Variants in NCAPD3 observed in about 807,000 individuals in gnomAD.
NCAPD3 encodes condensin-2 complex subunit D3.
NCAPD3 carries 105 observed loss-of-function variants against 182.9 expected under a neutral mutation model. The ratio of observed to expected loss-of-function variants is 0.57; its 90% CI spans 0.49 to 0.68. The LOEUF is 0.68. Among genes scored for constraint, NCAPD3 ranks in the 30% least tolerant of loss-of-function variants. The probability of loss-of-function intolerance (pLI) is 0.00; values close to 1 mark genes in which losing one functional copy is unlikely to be tolerated. For synonymous variants in NCAPD3, 815 were observed against 679.9 expected, an observed-to-expected ratio of 1.20 and a Z score of -3.09; for missense variants, 1,944 against 1,837.0, an observed-to-expected ratio of 1.06 and a Z score of -1.07.
intron 31 of NCAPD3, among the ~76,000 whole-genome samples, chr11:134,157,716 C>T (rs969880963): frequency 6.6e-6 from 1 of 152,226 alleles, no homozygotes; most frequent in Non-Finnish European, 1.5e-5. Context: ...GAATGCCTCA[C>T]TGCTATGGGT....
At position 134,204,867 on chromosome 11, in the gene NCAPD3, C is replaced by T; in HGVS notation, c.1089+32G>A. On this transcript the variant is annotated intron_variant, in intron 9 of 34. Coordinates refer to ENST00000534548, the MANE Select transcript of NCAPD3 (RefSeq NM_015261.3). The surrounding 1 kb of genome is among the most constrained non-coding windows in gnomAD (Gnocchi z 4.3). ...TTTATCTTCACACACGATATACTTC[C>T]ATGTTATTAATATTACTAAGGCAAA... is the stretch of plus-strand genomic sequence containing the variant. The T allele has an allele frequency of 6.5e-7, 1 of 1,535,720 alleles. No homozygotes were observed. Among genetic ancestry groups the T allele is most frequent in the South Asian group, 1.1e-5 (1 of 89,046 alleles).
intron 13 of NCAPD3, 115 bp from the exon 14 acceptor site, chr11:134,194,853 T>C: frequency 1.7e-6 from 1 of 604,886 alleles, no homozygotes; most frequent in Admixed American, 3.1e-5. Context: ...TTAGCTTGTT[T>C]TAAATCCTAA....
chr11:134,214,659 G>A (rs962330631), intron 3 of NCAPD3, among the ~76,000 whole-genome samples: 2 of 152,184 alleles, frequency 1.3e-5, no homozygotes, highest in South Asian at 2.1e-4. Context: ...AATAAATCTC[G>A]ATCTAGATTG....
intron 19 of NCAPD3, among the ~76,000 whole-genome samples, chr11:134,182,715 C>T (rs945810302): frequency 6.6e-6 from 1 of 152,304 alleles, no homozygotes; most frequent in Admixed American, 6.5e-5. Context: ...AAACAGATAA[C>T]AAAAATGCCC....
intron 8 of NCAPD3, among the ~76,000 whole-genome samples, chr11:134,205,565 C>T (rs1265789616): frequency 6.6e-6 from 1 of 151,932 alleles, no homozygotes; most frequent in African/African-American, 2.4e-5. Flanking sequence ...TTAGTAGAGA[C>T]AGGGTTTCAC....
chr11:134,208,831 C>A, intron 7 of NCAPD3, 33 bp downstream of exon 7: 1 of 1,493,986 alleles, frequency 6.7e-7, no homozygotes. Flanking sequence ...TTCGATTCAA[C>A]TAGTAACCAA....
At chr11:134,225,056 C>T (rs969814452), upstream of NCAPD3, 6 of 1,484,526 alleles carry the variant, frequency 4.0e-6, no homozygotes, top group African/African-American at 2.8e-5. Context: ...CCTTCTTTAC[C>T]TAGGGCAGCC....
At chr11:134,193,606 A>G (rs1468023217) in intron 15 of NCAPD3, among the ~76,000 whole-genome samples, 1 of 152,232 alleles carries the variant, frequency 6.6e-6, no homozygotes, top group Non-Finnish European at 1.5e-5. Context: ...TACAAAAATT[A>G]GCCAGGCATG....
Position 134,151,703 on chromosome 11 carries a change from G to A in NCAPD3, c.*1241C>T, listed in dbSNP as rs778013720. 5 of 152,190 alleles carry A rather than the reference G, an allele frequency of 3.3e-5. No homozygotes were observed. The highest frequency in any genetic ancestry group is 9.7e-5 in the African/African-American group (4 of 41,442). 9.4% of individuals were successfully genotyped at this position (152,190 alleles called of 1,614,324 possible). On this transcript the variant is annotated 3_prime_UTR_variant, in exon 35 of 35. Coordinates refer to ENST00000534548, the MANE Select transcript of NCAPD3 (RefSeq NM_015261.3). ...TGCTACAGACTTGTACTAACACACC[G>A]TAATTTGGCATTTGTTTAACCTCAT... is the stretch of plus-strand genomic sequence containing the variant.
rs777617520 is a variant in NCAPD3 at position 134,168,146 on chromosome 11, T to C, written c.3423A>G (p.Leu1141=). 2 of 1,613,896 alleles carry C rather than the reference T, an allele frequency of 1.2e-6. No individual in the cohort carries two copies. The highest frequency in any genetic ancestry group is 4.5e-5 in the East Asian group (2 of 44,886). The part of the protein sequence containing the change: ...ILPLDLDASE[L]LSDTFEVLSS... ...TGAGGACCTCAAACGTGTCTGAGAG[T>C]AACTCACTGGCGTCCAGGTCCAGGG... is the stretch of plus-strand genomic sequence containing the variant. Residue 1141 remains leucine (L), a synonymous_variant, in exon 27 of 35, where the codon TTA becomes TTG. Coordinates refer to ENST00000534548, the MANE Select transcript of NCAPD3 (RefSeq NM_015261.3).
chr11:134,156,752 C>A (rs1460571301), intron 32 of NCAPD3: 3 of 315,904 alleles, frequency 9.5e-6, no homozygotes, highest in Admixed American at 1.0e-4. Flanking sequence ...CCCAACCTAC[C>A]TGTGCCTCAA....
chr11:134,191,905 G>A (rs1203027581), intron 16 of NCAPD3, among the ~76,000 whole-genome samples: 1 of 152,254 alleles, frequency 6.6e-6, no homozygotes. Context: ...ATGCTGAACA[G>A]ACTGTATGCT....
chr11:134,161,944 G>A (rs1376670273), intron 27 of NCAPD3, 53 bp from the exon 28 acceptor site: 1 of 802,536 alleles, frequency 1.2e-6, no homozygotes, highest in Non-Finnish European at 1.9e-6. Context: ...TGAAAGACAG[G>A]CCTCTCCTTG....
At chr11:134,167,761 A>G (rs1454116349) in intron 27 of NCAPD3, among the ~76,000 whole-genome samples, 2 of 125,520 alleles carry the variant, frequency 1.6e-5, no homozygotes, top group African/African-American at 6.4e-5. Flanking sequence ...AGAGCAGCAC[A>G]CTCACTTGTG....
Position 134,152,744 on chromosome 11 carries a change from T to G in NCAPD3, c.*200A>C. The stretch of plus-strand genomic sequence containing the variant: ...TAAGAAAATCTAAATCTGGCACATC[T>G]CTATTATTTGACAGTGTTTAACCAA... On this transcript the variant is annotated 3_prime_UTR_variant, in exon 35 of 35. Coordinates refer to ENST00000534548, the MANE Select transcript of NCAPD3 (RefSeq NM_015261.3). 1 of 471,884 alleles carries G rather than the reference T, an allele frequency of 2.1e-6. No homozygotes were observed. The highest frequency in any genetic ancestry group is 5.4e-4 in the Middle Eastern group (1 of 1,868). 29.2% of individuals were successfully genotyped at this position (471,884 alleles called of 1,614,324 possible).
At chr11:134,192,952 G>A (rs771318048) in intron 15 of NCAPD3, 43 bp from the exon 16 acceptor site, 1 of 1,116,128 alleles carries the variant, frequency 9.0e-7, no homozygotes, top group Non-Finnish European at 1.4e-6. Context: ...CTAAATACAA[G>A]TCAGGGAAGT....
intron 24 of NCAPD3, among the ~76,000 whole-genome samples, chr11:134,174,115 C>A (rs12796673): frequency 0.03 from 4,555 of 152,142 alleles, 98 homozygotes; most frequent in Non-Finnish European, 0.047. Context: ...GTATTGCCTG[C>A]TGTGGTGACT....
At chr11:134,157,341 G>A (rs781693592) in intron 31 of NCAPD3, among the ~76,000 whole-genome samples, 1 of 152,174 alleles carries the variant, frequency 6.6e-6, no homozygotes, top group Admixed American at 6.5e-5. Context: ...AGGACAGTTT[G>A]ACACTATCCA....
At chr11:134,159,854 G>A (rs1290926537) in intron 29 of NCAPD3, 38 bp downstream of exon 29, 2 of 1,584,852 alleles carry the variant, frequency 1.3e-6, no homozygotes, top group African/African-American at 2.7e-5. Context: ...ACAGCAGACT[G>A]GACTGTCTGG....
Sources: gnomAD v4.1 joint callset for allele counts (sites outside exome capture counted in the v4.1 genomes callset) on GRCh38, gnomAD v4.1.1 for gene constraint, Gnocchi (gnomAD v3.1) non-coding constraint, MANE v1.5 for transcripts, NCBI Gene and HGNC (gene_info 2026-07-23, HGNC 2026-07-21) for gene names.